Variants in IQCM observed in about 807,000 individuals in gnomAD.
IQCM encodes IQ domain-containing protein M.
A neutral mutation model predicts 57.6 loss-of-function variants in IQCM; 45 were observed. The observed-to-expected ratio is 0.78, with a 90% CI of 0.62 to 1.00. IQCM has a LOEUF of 1.00. Among genes scored for constraint, IQCM ranks in the 50% least tolerant of loss-of-function variants. The pLI is 0.00. For missense variants in IQCM, 468 were observed against 511.6 expected (o/e 0.91, Z 0.82); for synonymous variants, 148 against 158.9 (o/e 0.93, Z 0.51).
At chr4:149,355,459 G>T (rs1728897740) in intron 13 of IQCM, among the ~76,000 whole-genome samples, 2 of 135,688 alleles carry the variant, frequency 1.5e-5, no homozygotes, top group Admixed American at 9.2e-5. Context: ...TGTTCTCATT[G>T]TTCAATTCCC....
At position 149,722,472 on chromosome 4, in the gene IQCM, A is replaced by C. The variant is rs556955653; in HGVS notation, c.385+10772T>G. 7.9e-5 allele frequency among the ~76,000 whole-genome samples: 12 copies of C among 152,086 alleles called. No individual in the cohort carries two copies. In the East Asian group the frequency reaches 2.3e-3, roughly 29 times the overall value. ...TCTATCTTAATTTTTGCATATGGCA[A>C]GTGATAGAGATCCAGTTTCATTCTT... On this transcript the variant is annotated intron_variant, in intron 5 of 13. Transcript: ENST00000636793.
intron 5 of IQCM, chr4:149,691,741 T>TA (rs1309715574): frequency 5.3e-5 from 8 of 152,142 alleles, no homozygotes; most frequent in African/African-American, 1.7e-4. Context: ...TACTCACATC[T>TA]GAATACACTT....
intron 13 of IQCM, among the ~76,000 whole-genome samples, chr4:149,415,466 G>A (rs558353565): frequency 6.6e-6 from 1 of 152,122 alleles, no homozygotes; most frequent in Non-Finnish European, 1.5e-5. Flanking sequence ...AATTCTTTCT[G>A]TAAATCACAT....
At chr4:149,704,188 C>T (rs1475720559) in intron 5 of IQCM, among the ~76,000 whole-genome samples, 2 of 151,838 alleles carry the variant, frequency 1.3e-5, no homozygotes, top group African/African-American at 4.8e-5. Context: ...ATCACATACA[C>T]TATAAAACTA....
chr4:149,411,131 T>C lies in IQCM; in HGVS notation c.1390+22265A>G, dbSNP rs575697926. On this transcript the variant is annotated intron_variant, in intron 13 of 13. Transcript: ENST00000636793. ...CACCTATTACATCATAGCACTTCTA[T>C]TGCAATATCCCTGAAATTTATAAAA... 5.5e-4 allele frequency among the ~76,000 whole-genome samples: 84 copies of C among 152,266 alleles called. 1 individual carries two copies. The South Asian group carries it at 0.015, about 27-fold the overall frequency.
At chr4:149,512,045 G>A (rs1475549263) in intron 12 of IQCM, among the ~76,000 whole-genome samples, 1 of 152,164 alleles carries the variant, frequency 6.6e-6, no homozygotes, top group Non-Finnish European at 1.5e-5. Context: ...CATGACCATA[G>A]TGTCATGTAC....
At chr4:149,748,783 G>T (rs1768167953) in intron 2 of IQCM, 1 of 152,242 alleles carries the variant, frequency 6.6e-6, no homozygotes, top group Non-Finnish European at 1.5e-5. Flanking sequence ...AATGATCAAT[G>T]TTAGATAGAC....
chr4:149,402,605 C>T (rs762098401), intron 13 of IQCM, among the ~76,000 whole-genome samples: 3 of 151,652 alleles, frequency 2.0e-5, no homozygotes, highest in Non-Finnish European at 4.4e-5. Context: ...ATTCAATAAA[C>T]AATGTTCCTT....
At chr4:149,438,040 G>A (rs973221336) in intron 12 of IQCM, among the ~76,000 whole-genome samples, 2 of 152,012 alleles carry the variant, frequency 1.3e-5, no homozygotes, top group South Asian at 4.1e-4. Context: ...GTGTACCAGG[G>A]AGACTTGTGG....
At chr4:149,613,540 C>T (rs1328932082) in intron 8 of IQCM, among the ~76,000 whole-genome samples, 1 of 151,772 alleles carries the variant, frequency 6.6e-6, no homozygotes, top group Non-Finnish European at 1.5e-5. Context: ...ATGTGAAGAA[C>T]TTAAGTTATA....
intron 12 of IQCM, among the ~76,000 whole-genome samples, chr4:149,524,927 A>G (rs944915667): frequency 6.6e-6 from 1 of 151,808 alleles, no homozygotes; most frequent in African/African-American, 2.4e-5. Flanking sequence ...ATATAAACCA[A>G]TAGTGGTACC....
chr4:149,368,242 G>C (rs1287520816), intron 13 of IQCM, among the ~76,000 whole-genome samples: 2 of 151,634 alleles, frequency 1.3e-5, no homozygotes, highest in African/African-American at 2.4e-5. Context: ...AATTGTTTTG[G>C]ACTTGTTGAA....
At chr4:149,477,303 C>T (rs1252325539) in intron 12 of IQCM, among the ~76,000 whole-genome samples, 1 of 152,118 alleles carries the variant, frequency 6.6e-6, no homozygotes, top group Non-Finnish European at 1.5e-5. Flanking sequence ...CAAATGAGGA[C>T]TGACGCTCAG....
At chr4:149,568,438 A>G (rs1194287155) in intron 9 of IQCM, among the ~76,000 whole-genome samples, 1 of 152,150 alleles carries the variant, frequency 6.6e-6, no homozygotes, top group Non-Finnish European at 1.5e-5. Context: ...CAAAATATAA[A>G]AAGAGGTGAC....
At chr4:149,778,148 G>A (rs950225249) in intron 2 of IQCM, among the ~76,000 whole-genome samples, 3 of 152,184 alleles carry the variant, frequency 2.0e-5, no homozygotes, top group South Asian at 4.1e-4. Flanking sequence ...AGGCCAAGGC[G>A]GGTGGATCAC....
At chr4:149,455,811 C>CT (rs540279173) in intron 12 of IQCM, among the ~76,000 whole-genome samples, 51 of 143,722 alleles carry the variant, frequency 3.5e-4, no homozygotes, top group Admixed American at 5.6e-4. Flanking sequence ...TACAAATTTT[C>CT]TTTTTTTTTT....
Position 149,450,522 on chromosome 4 carries a change from T to C in IQCM, c.1229-16965A>G, listed in dbSNP as rs563385001. 2.4e-4 allele frequency among the ~76,000 whole-genome samples: 37 copies of C among 151,738 alleles called. No individual in the cohort carries two copies. In the Middle Eastern group the frequency reaches 0.01, roughly 42 times the overall value. On this transcript the variant is annotated intron_variant, in intron 12 of 13. Transcript: ENST00000636793. ...GCTCAAACTCTGTAGGAAAAAAATC[T>C]GATAATCCAATTAAAAACTGGTCAA... is the stretch of plus-strand genomic sequence containing the variant.
At chr4:149,497,875 A>T (rs1276025492) in intron 12 of IQCM, among the ~76,000 whole-genome samples, 1 of 152,036 alleles carries the variant, frequency 6.6e-6, no homozygotes. Flanking sequence ...TTTGGTTTAC[A>T]AGTCTATATG....
chr4:149,787,301 G>A (rs1772163061), intron 2 of IQCM, among the ~76,000 whole-genome samples: 1 of 150,466 alleles, frequency 6.6e-6, no homozygotes, highest in South Asian at 2.1e-4. Flanking sequence ...TTTTTTAGAA[G>A]AAATACAGGA....
Sources: gnomAD v4.1 joint callset for allele counts (sites outside exome capture counted in the v4.1 genomes callset) on GRCh38, gnomAD v4.1.1 for gene constraint, MANE v1.5 for transcripts, NCBI Gene and HGNC (gene_info 2026-07-23, HGNC 2026-07-21) for gene names.